The following MTMR9 variants were observed in gnomAD, a reference collection of about 807,000 sequenced individuals.
MTMR9 encodes myotubularin-related protein 9.
MTMR9 carries 39 observed loss-of-function variants against 69.5 expected under a neutral mutation model. That is an observed-to-expected ratio of 0.56 (90% confidence interval 0.43 to 0.73). The LOEUF (loss-of-function observed/expected upper bound fraction) is 0.73, where lower values mean the gene tolerates loss of function less well. Ranked by LOEUF, MTMR9 falls within the 30% of genes least tolerant of loss-of-function variation. MTMR9 has a pLI of 0.00. For missense variants in MTMR9, 900 were observed against 671.2 expected, an observed-to-expected ratio of 1.34 and a Z score of -3.77; for synonymous variants, 354 against 240.8, an observed-to-expected ratio of 1.47 and a Z score of -4.35.
intron 8 of MTMR9, chr8:11,318,681 TAAAG>T (rs997883010): frequency 6.6e-6 from 1 of 152,222 alleles, no homozygotes; most frequent in African/African-American, 2.4e-5. Flanking sequence ...ATTCACATGA[TAAAG>T]AGTGTTCCAG....
chr8:11,333,645 T>G, the MTMR9 span, among the ~76,000 whole-genome samples: 1 of 152,204 alleles, frequency 6.6e-6, no homozygotes. Context: ...ACATCAGTTT[T>G]TATTTTCCAT....
At chr8:11,334,643 CA>C in the MTMR9 span, among the ~76,000 whole-genome samples, 1 of 151,950 alleles carries the variant, frequency 6.6e-6, no homozygotes, top group Non-Finnish European at 1.5e-5. Flanking sequence ...AAAGAAGTAA[CA>C]AAACAGCAGA....
At position 11,298,720 on chromosome 8, in the gene MTMR9, A is replaced by ACCCCCCCCCC. The variant is rs1554501121; in HGVS notation, c.292-1302_292-1293dup. ...TGATATGGTATCCTTTCCCCGCTGC[A>ACCCCCCCCCC]CCCCCCCCCCGCCATCCAGTATAGA... On this transcript the variant is annotated intron_variant, in intron 2 of 9. Transcript: ENST00000221086. 7 of 680,280 alleles carry ACCCCCCCCCC rather than the reference A, an allele frequency of 1.0e-5. No homozygotes were observed. In the African/African-American group the frequency reaches 1.4e-4, roughly 13 times the overall value. 42.1% of individuals were successfully genotyped at this position (680,280 alleles called of 1,614,324 possible).
chr8:11,301,468 C>G (rs1351013526), intron 3 of MTMR9, among the ~76,000 whole-genome samples: 3 of 152,134 alleles, frequency 2.0e-5, no homozygotes, highest in South Asian at 2.1e-4. Context: ...AAAGATAAAC[C>G]TAGACCCTTA....
chr8:11,315,046 T>G lies in MTMR9; in HGVS notation c.1095T>G (p.Ile365Met). Residue 365 changes from isoleucine to methionine, a missense_variant, in exon 7 of 10, where the codon ATT becomes ATG. Transcript: ENST00000221086. ...SRTIRGFEAL[I>M]EREWLQAGHP... ...CCATTCGTGGTTTTGAGGCCCTGAT[T>G]GAAAGAGAGTGGCTGCAGGTGAGAA... The G allele has an allele frequency of 6.2e-7, 1 of 1,613,642 alleles. No homozygotes were observed. The highest frequency in any genetic ancestry group is 2.2e-5 in the East Asian group (1 of 44,880).
At chr8:11,337,454 G>A in the MTMR9 span, among the ~76,000 whole-genome samples, 3 of 152,090 alleles carry the variant, frequency 2.0e-5, no homozygotes, top group African/African-American at 7.2e-5. Flanking sequence ...AATTTTTGTG[G>A]GGTTTTTCCT....
intron 1 of MTMR9, among the ~76,000 whole-genome samples, chr8:11,285,880 G>C (rs1799132708): frequency 6.6e-6 from 1 of 151,176 alleles, no homozygotes; most frequent in Non-Finnish European, 1.5e-5. Context: ...TGCCTCACAG[G>C]ATAATTTGGA....
At position 11,295,307 on chromosome 8, in the gene MTMR9, G is replaced by C; in HGVS notation, c.291+5G>C. 1 of 1,511,480 alleles carries C rather than the reference G, an allele frequency of 6.6e-7. No individual in the cohort carries two copies. Among genetic ancestry groups the C allele is most frequent in the African/African-American group, 1.4e-5 (1 of 72,656 alleles). 93.6% of individuals were successfully genotyped at this position (1,511,480 alleles called of 1,614,324 possible). On this transcript the variant is annotated splice_donor_5th_base_variant and intron_variant, in intron 2 of 9. Coordinates refer to ENST00000221086, the MANE Select transcript of MTMR9 (RefSeq NM_015458.4). ...AATATAGCCAGTTCCATTGAGGTAA[G>C]TATTTTGGAAGCAAAATCTAATGAA...
chr8:11,314,548 C>G (rs1485734582), intron 6 of MTMR9, among the ~76,000 whole-genome samples: 1 of 152,172 alleles, frequency 6.6e-6, no homozygotes, highest in African/African-American at 2.4e-5. Flanking sequence ...TGAGAAGAGG[C>G]TTTAACCAAC....
chr8:11,326,388 A>G lies in MTMR9; in HGVS notation c.*3600A>G, dbSNP rs1414635521. On this transcript the variant is annotated 3_prime_UTR_variant, in exon 10 of 10. Transcript: ENST00000221086. ...GTATTTCCTGGACCAGAAATGGGCA[A>G]TAGTTACAATAGTTGATCCTCTGTT... 1 of 152,252 alleles carries G rather than the reference A, an allele frequency of 6.6e-6. No homozygotes were observed. The highest frequency in any genetic ancestry group is 1.5e-5 in the Non-Finnish European group (1 of 68,036). 9.4% of individuals were successfully genotyped at this position (152,252 alleles called of 1,614,324 possible). A position where few individuals can be genotyped will look rare whatever the true frequency, so the allele number is the denominator to read the frequency against.
chr8:11,305,163 A>G (rs753779873), intron 4 of MTMR9, 149 bp downstream of exon 4: 2 of 728,036 alleles, frequency 2.7e-6, no homozygotes, highest in Non-Finnish European at 4.4e-6. Context: ...GCTTTAGGGA[A>G]TCAGGAGTAG....
At chr8:11,300,996 C>T (rs1799729850) in intron 3 of MTMR9, among the ~76,000 whole-genome samples, 1 of 152,090 alleles carries the variant, frequency 6.6e-6, no homozygotes, top group Non-Finnish European at 1.5e-5. Flanking sequence ...ATGAAAAAAG[C>T]AATCAGATGA....
chr8:11,334,028 T>C, the MTMR9 span, among the ~76,000 whole-genome samples: 61,900 of 152,020 alleles, frequency 0.41, 14,191 homozygotes, highest in East Asian at 0.74. Context: ...CCCCGGTCCT[T>C]TTCTGTCTCA....
chr8:11,337,032 G>T, the MTMR9 span, among the ~76,000 whole-genome samples: 3 of 152,210 alleles, frequency 2.0e-5, no homozygotes, highest in Admixed American at 2.0e-4. Context: ...TGCAGAAGGG[G>T]GCGTTGTTTT....
chr8:11,331,835 C>G (rs2572403), downstream of MTMR9: 94,008 of 1,611,766 alleles, frequency 0.058, 6,081 homozygotes, highest in Admixed American at 0.29. Context: ...TGCTGCAGAC[C>G]CCCGTGTTGC....
chr8:11,310,721 C>T (rs567543070), intron 6 of MTMR9, among the ~76,000 whole-genome samples: 1 of 152,010 alleles, frequency 6.6e-6, no homozygotes, highest in Non-Finnish European at 1.5e-5. Flanking sequence ...TCTTTTTAAC[C>T]TAAGTTTACC....
intron 1 of MTMR9, among the ~76,000 whole-genome samples, chr8:11,291,383 T>C (rs1426857708): frequency 6.6e-6 from 1 of 152,048 alleles, no homozygotes; most frequent in Non-Finnish European, 1.5e-5. Context: ...AATAAACATA[T>C]AAACTAGAAA....
the MTMR9 span, among the ~76,000 whole-genome samples, chr8:11,337,593 A>G: frequency 2.6e-5 from 4 of 152,228 alleles, no homozygotes; most frequent in African/African-American, 4.8e-5. Context: ...TGTCAAAACA[A>G]TTGAGATTTC....
downstream of MTMR9, chr8:11,331,737 C>T (rs201582168): frequency 4.7e-5 from 75 of 1,611,796 alleles, no homozygotes; most frequent in African/African-American, 6.7e-5. Flanking sequence ...TCTGGTCTAT[C>T]GTTCTCTGCA....
Sources: allele counts gnomAD v4.1 joint callset (sites outside exome capture counted in the v4.1 genomes callset), GRCh38; gene constraint gnomAD v4.1.1; transcripts MANE v1.5; gene names NCBI Gene and HGNC (gene_info 2026-07-23, HGNC 2026-07-21).